The following ESRRG variants were observed in gnomAD, a reference collection of about 807,000 sequenced individuals.
The protein encoded by ESRRG is estrogen-related receptor gamma.
In ESRRG, 13 loss-of-function variants were observed where a neutral mutation model predicts 44.0. That is an observed-to-expected ratio of 0.30 (90% CI 0.19 to 0.47). ESRRG has a LOEUF of 0.47. ESRRG is among the 20% of genes least tolerant of loss of function. The pLI is 1.00. For synonymous variants in ESRRG, 215 were observed against 214.6 expected, an observed-to-expected ratio of 1.00 and a Z score of -0.02; for missense variants, 395 against 580.6, an observed-to-expected ratio of 0.68 and a Z score of 3.29.
At chr1:216,591,385 C>G (rs1435070609) in intron 3 of ESRRG, among the ~76,000 whole-genome samples, 5 of 152,194 alleles carry the variant, frequency 3.3e-5, no homozygotes, top group Non-Finnish European at 7.3e-5. Context: ...CCCTCCCAGT[C>G]AGGCTTATGG....
chr1:216,693,228 G>C (rs78561264), intron 1 of ESRRG, among the ~76,000 whole-genome samples: 27,201 of 152,076 alleles, frequency 0.18, 3,141 homozygotes, highest in Middle Eastern at 0.27. Flanking sequence ...TATAATTACA[G>C]TTAACATCTT....
intron 1 of ESRRG, among the ~76,000 whole-genome samples, chr1:216,958,310 G>A (rs1374858331): frequency 6.6e-6 from 1 of 151,980 alleles, no homozygotes; most frequent in African/African-American, 2.4e-5. Context: ...AGAATTGCTG[G>A]GTCATAGGTA....
chr1:216,963,250 A>T (rs1467907053), intron 1 of ESRRG, among the ~76,000 whole-genome samples: 2 of 152,190 alleles, frequency 1.3e-5, no homozygotes, highest in African/African-American at 2.4e-5. Flanking sequence ...TATATCACGC[A>T]GTGGGACAAG....
chr1:216,768,474 C>T (rs1449515373), intron 2 of ESRRG, among the ~76,000 whole-genome samples: 1 of 149,390 alleles, frequency 6.7e-6, no homozygotes, highest in Non-Finnish European at 1.5e-5. Flanking sequence ...ATCTATCTAT[C>T]TATCTATCTA....
At chr1:217,027,572 T>A (rs765575018) in intron 1 of ESRRG, among the ~76,000 whole-genome samples, 6 of 152,094 alleles carry the variant, frequency 3.9e-5, no homozygotes, top group Non-Finnish European at 8.8e-5. Flanking sequence ...ATTTTAGTAT[T>A]TAAACAGGAA....
chr1:216,990,000 G>T (rs770470721), intron 1 of ESRRG, among the ~76,000 whole-genome samples: 1 of 152,032 alleles, frequency 6.6e-6, no homozygotes, highest in Non-Finnish European at 1.5e-5. Flanking sequence ...AGATGTGGAC[G>T]GTTAACAAGG....
At chr1:216,629,419 G>T (rs796137643) in intron 3 of ESRRG, among the ~76,000 whole-genome samples, 17 of 152,176 alleles carry the variant, frequency 1.1e-4, no homozygotes, top group African/African-American at 3.6e-4. Flanking sequence ...ACCACCCTGA[G>T]AAGCAAATTT....
intron 1 of ESRRG, among the ~76,000 whole-genome samples, chr1:217,082,043 G>A (rs532717226): frequency 1.4e-3 from 210 of 152,308 alleles, no homozygotes; most frequent in African/African-American, 4.8e-3. Context: ...CACTGCATAC[G>A]TGAGAATTGT....
chr1:217,064,931 G>T (rs755083765), intron 1 of ESRRG, among the ~76,000 whole-genome samples: 16 of 152,050 alleles, frequency 1.1e-4, no homozygotes, highest in Admixed American at 1.3e-4. Context: ...AATGAGGAAG[G>T]AGTAGGGACA....
chr1:216,543,932 A>G (rs1428072787), intron 5 of ESRRG, among the ~76,000 whole-genome samples: 2 of 152,060 alleles, frequency 1.3e-5, no homozygotes, highest in East Asian at 3.9e-4. Flanking sequence ...GAAACTTTTG[A>G]TAACTTGAAT....
chr1:216,962,658 C>G (rs1251919240), intron 1 of ESRRG, among the ~76,000 whole-genome samples: 2 of 151,876 alleles, frequency 1.3e-5, no homozygotes, highest in Admixed American at 1.3e-4. Flanking sequence ...TGCTAAAAAA[C>G]AAAGCCAGCA....
chr1:216,661,479 A>G (rs1388766072), intron 2 of ESRRG, among the ~76,000 whole-genome samples: 2 of 152,248 alleles, frequency 1.3e-5, no homozygotes, highest in African/African-American at 4.8e-5. Flanking sequence ...AGCAATGCTA[A>G]TTACATCTAA....
In ESRRG at chr1:216,885,603, GT is replaced by G. The variant is rs879711203; in HGVS notation, c.-14+53978del. ...ATTGAATGTTGATGCAATCTTAAAG[GT>G]TTTTTTTTTAATGATTTCCATCTAT... On this transcript the variant is annotated intron_variant, in intron 2 of 7. Coordinates refer to the ESRRG transcript ENST00000359162. Among the ~76,000 whole-genome samples the G allele has an allele frequency of 3.3e-3, 486 of 145,444 alleles. 4 individuals are homozygous for G. In the South Asian group the frequency reaches 0.038, roughly 11 times the overall value.
At chr1:216,534,254 C>T (rs925912069) in intron 5 of ESRRG, among the ~76,000 whole-genome samples, 2 of 152,068 alleles carry the variant, frequency 1.3e-5, no homozygotes, top group Non-Finnish European at 2.9e-5. Flanking sequence ...GTGAACATCT[C>T]ATTTATTCTC....
intron 1 of ESRRG, chr1:216,985,737 T>TAAATGTATTC (rs2074764010): frequency 6.6e-6 from 1 of 152,128 alleles, no homozygotes; most frequent in South Asian, 2.1e-4. Context: ...TCTTAGAGGG[T>TAAATGTATTC]AAATGTATTC....
At chr1:216,783,067 A>C (rs2147922216) in intron 2 of ESRRG, among the ~76,000 whole-genome samples, 1 of 152,114 alleles carries the variant, frequency 6.6e-6, no homozygotes, top group Non-Finnish European at 1.5e-5. Context: ...ATTCCCACTC[A>C]GAAGAGTTAG....
intron 1 of ESRRG, among the ~76,000 whole-genome samples, chr1:217,006,283 T>C (rs1280700641): frequency 6.6e-6 from 1 of 152,138 alleles, no homozygotes; most frequent in South Asian, 2.1e-4. Context: ...TAAAGACCCA[T>C]AGTCTTTATT....
intron 2 of ESRRG, among the ~76,000 whole-genome samples, chr1:216,806,917 A>T (rs2094810843): frequency 6.6e-6 from 1 of 152,174 alleles, no homozygotes; most frequent in African/African-American, 2.4e-5. Context: ...CAGAATGCAT[A>T]ATGGGCACCT....
intron 3 of ESRRG, among the ~76,000 whole-genome samples, chr1:216,602,302 C>T (rs925856717): frequency 1.1e-4 from 16 of 152,128 alleles, no homozygotes; most frequent in Admixed American, 7.9e-4. Context: ...TGTCATGAGC[C>T]TGAAAGACTT....
Sources: allele counts gnomAD v4.1 joint callset (sites outside exome capture counted in the v4.1 genomes callset), GRCh38; gene constraint gnomAD v4.1.1; transcripts MANE v1.5; gene names NCBI Gene and HGNC (gene_info 2026-07-23, HGNC 2026-07-21).